CPED1: variants seen among roughly 807,000 people sequenced by gnomAD.
CPED1 encodes the protein cadherin like and PC-esterase domain containing 1.
In CPED1, 114 loss-of-function variants were observed where a neutral mutation model predicts 128.2. The observed-to-expected ratio is 0.89, with a 90% confidence interval of 0.76 to 1.04. The LOEUF is 1.04. Ranked by LOEUF, CPED1 falls within the 50% of genes least tolerant of loss-of-function variation. The probability of loss-of-function intolerance (pLI) is 0.00; values close to 1 mark genes in which losing one functional copy is unlikely to be tolerated. For missense variants in CPED1, 1,211 were observed against 1,207.1 expected (o/e 1.00, Z -0.05); for synonymous variants, 462 against 426.7 (o/e 1.08, Z -1.02).
intron 10 of CPED1, among the ~76,000 whole-genome samples, chr7:121,127,636 A>G: frequency 6.6e-6 from 1 of 151,220 alleles, no homozygotes; most frequent in Non-Finnish European, 1.5e-5. Context: ...CCTGGGTTCA[A>G]GAGATTCTCT....
intron 4 of CPED1, among the ~76,000 whole-genome samples, chr7:121,057,402 G>A (rs1793528088): frequency 6.6e-6 from 1 of 152,136 alleles, no homozygotes; most frequent in Admixed American, 6.5e-5. Flanking sequence ...CCCAGGTACT[G>A]AGCATAGTAC....
At chr7:121,276,098 A>C (rs919258655) in intron 22 of CPED1, among the ~76,000 whole-genome samples, 2 of 152,088 alleles carry the variant, frequency 1.3e-5, no homozygotes, top group Non-Finnish European at 2.9e-5. Flanking sequence ...TTGAGTATCT[A>C]CTCTATGCAA....
intron 2 of CPED1, among the ~76,000 whole-genome samples, chr7:120,997,485 C>G (rs1360343795): frequency 6.6e-6 from 1 of 152,124 alleles, no homozygotes; most frequent in East Asian, 1.9e-4. Context: ...GTACCCCATC[C>G]CTGAAAAGAT....
At chr7:121,245,320 C>CT (rs1314347526) in intron 18 of CPED1, among the ~76,000 whole-genome samples, 1 of 151,806 alleles carries the variant, frequency 6.6e-6, no homozygotes, top group Admixed American at 6.6e-5. Context: ...GTGTTAGTTC[C>CT]TTTTTTTAAA....
intron 2 of CPED1, among the ~76,000 whole-genome samples, chr7:121,013,750 A>C (rs568427723): frequency 7.2e-4 from 110 of 152,230 alleles, no homozygotes; most frequent in Non-Finnish European, 1.3e-3. Flanking sequence ...ATGAATTTTC[A>C]GCTAGCAATA....
At chr7:121,233,167 C>A (rs1798174575) in intron 16 of CPED1, among the ~76,000 whole-genome samples, 1 of 152,042 alleles carries the variant, frequency 6.6e-6, no homozygotes, top group African/African-American at 2.4e-5. Flanking sequence ...TTACTTTGCA[C>A]ACGTATGAAC....
At chr7:121,050,967 G>A (rs555916959) in intron 4 of CPED1, 29 of 509,988 alleles carry the variant, frequency 5.7e-5, no homozygotes, top group South Asian at 3.3e-4. Context: ...GGAGATTGGC[G>A]CAGTTGTCAG....
chr7:121,188,359 A>AAG (rs1797052763), intron 16 of CPED1, among the ~76,000 whole-genome samples: 1 of 152,172 alleles, frequency 6.6e-6, no homozygotes, highest in African/African-American at 2.4e-5. Context: ...AATGTGAAAT[A>AAG]AGCACATGAT....
intron 2 of CPED1, among the ~76,000 whole-genome samples, chr7:121,007,231 A>ATTTTTT (rs398006038): frequency 1.4e-4 from 18 of 129,816 alleles, no homozygotes; most frequent in East Asian, 2.3e-4. Flanking sequence ...TTCAGGTTGC[A>ATTTTTT]TTTTTTTTTT....
At chr7:121,138,654 A>G (rs1436598027) in intron 14 of CPED1, among the ~76,000 whole-genome samples, 1 of 152,090 alleles carries the variant, frequency 6.6e-6, no homozygotes, top group Non-Finnish European at 1.5e-5. Flanking sequence ...CTGCAGGGAA[A>G]TTAACTCTCA....
intron 18 of CPED1, among the ~76,000 whole-genome samples, chr7:121,263,151 G>C (rs1792053547): frequency 6.6e-6 from 1 of 152,042 alleles, no homozygotes; most frequent in Non-Finnish European, 1.5e-5. Context: ...GGTAGCTCTT[G>C]CTAGTCACTA....
At chr7:121,100,753 A>G (rs956082494) in intron 7 of CPED1, among the ~76,000 whole-genome samples, 3 of 152,184 alleles carry the variant, frequency 2.0e-5, no homozygotes, top group African/African-American at 7.2e-5. Flanking sequence ...TACCAAAAAG[A>G]GGAAATAGAA....
intron 16 of CPED1, among the ~76,000 whole-genome samples, chr7:121,204,242 G>T (rs1368077893): frequency 6.6e-6 from 1 of 152,048 alleles, no homozygotes; most frequent in Non-Finnish European, 1.5e-5. Flanking sequence ...TGCTGGGGTG[G>T]CCAGAAGAGA....
intron 4 of CPED1, chr7:121,050,928 T>C: frequency 2.0e-6 from 1 of 490,262 alleles, no homozygotes; most frequent in East Asian, 6.1e-5. Flanking sequence ...AAGAAGGTCA[T>C]GAAGGGACCA....
chr7:121,252,171 C>T (rs879429664), intron 18 of CPED1, among the ~76,000 whole-genome samples: 3 of 151,262 alleles, frequency 2.0e-5, no homozygotes, highest in Non-Finnish European at 4.4e-5. Context: ...ATATCTACAA[C>T]TATCTGATCT....
intron 14 of CPED1, 127 bp from the exon 15 acceptor site, chr7:121,140,700 G>T: frequency 1.5e-6 from 1 of 653,760 alleles, no homozygotes; most frequent in Non-Finnish European, 2.6e-6. Context: ...GGTACTGATT[G>T]GAAAGTCAGC....
chr7:121,051,659 C>T (rs1339794784), intron 4 of CPED1: 1 of 316,070 alleles, frequency 3.2e-6, no homozygotes, highest in Non-Finnish European at 6.0e-6. Flanking sequence ...CCTGGCTTCT[C>T]CCTGTCAGAA....
intron 11 of CPED1, 79 bp from the exon 12 acceptor site, chr7:121,130,046 A>G (rs1027100853): frequency 9.2e-7 from 1 of 1,091,448 alleles, no homozygotes; most frequent in Non-Finnish European, 1.3e-6. Context: ...TAAATAAATG[A>G]CTAAGTATAA....
chr7:121,018,978 G>T (rs1316597439), intron 3 of CPED1, among the ~76,000 whole-genome samples: 4 of 151,836 alleles, frequency 2.6e-5, no homozygotes, highest in Non-Finnish European at 5.9e-5. Context: ...AACATAATAG[G>T]ATAAAAATCA....
Sources: gnomAD v4.1 joint callset for allele counts (sites outside exome capture counted in the v4.1 genomes callset) on GRCh38, gnomAD v4.1.1 for gene constraint, MANE v1.5 for transcripts, NCBI Gene and HGNC (gene_info 2026-07-23, HGNC 2026-07-21) for gene names.